The following MAST4 variants were observed in gnomAD, a reference collection of about 807,000 sequenced individuals.
The protein encoded by MAST4 is microtubule-associated serine/threonine-protein kinase 4.
MAST4 carries 89 observed loss-of-function variants against 162.7 expected under a neutral mutation model. The observed-to-expected ratio is 0.55, with a 90% CI of 0.46 to 0.65. MAST4 has a LOEUF of 0.65. Ranked by LOEUF, MAST4 falls within the 30% of genes least tolerant of loss-of-function variation. The pLI is 0.00. For missense variants in MAST4, 3,153 were observed against 3,374.0 expected (o/e 0.93, Z 1.62); for synonymous variants, 1,479 against 1,361.1 (o/e 1.09, Z -1.91).
chr5:66,905,302 CAAAAAAAAAAAAAAA>C (rs60337775), intron 4 of MAST4, among the ~76,000 whole-genome samples: 2 of 78,458 alleles, frequency 2.5e-5, no homozygotes, highest in African/African-American at 1.2e-4. Context: ...AACTCTGTCT[CAAAAAAAAAAAAAAA>C]AAAAAAAAAA....
At chr5:66,665,659 AG>A (rs2149466509) in intron 1 of MAST4, among the ~76,000 whole-genome samples, 1 of 152,320 alleles carries the variant, frequency 6.6e-6, no homozygotes, top group South Asian at 2.1e-4. Flanking sequence ...TTTGAACTAC[AG>A]AGTCGTTAAG....
intron 1 of MAST4, among the ~76,000 whole-genome samples, chr5:66,674,773 C>A (rs1013888949): frequency 6.6e-6 from 1 of 152,258 alleles, no homozygotes; most frequent in Non-Finnish European, 1.5e-5. Context: ...TTGCTATGGA[C>A]CCTGGGCAGA....
At chr5:66,834,326 TGA>T (rs1315386051) in intron 3 of MAST4, among the ~76,000 whole-genome samples, 1 of 152,066 alleles carries the variant, frequency 6.6e-6, no homozygotes, top group Non-Finnish European at 1.5e-5. Flanking sequence ...CGCGAAGACG[TGA>T]GACAGGACCT....
At chr5:66,720,134 T>C (rs1242212884) in intron 1 of MAST4, among the ~76,000 whole-genome samples, 1 of 151,450 alleles carries the variant, frequency 6.6e-6, no homozygotes, top group Admixed American at 6.6e-5. Flanking sequence ...ATACATATTG[T>C]TTAATATGAG....
intron 1 of MAST4, among the ~76,000 whole-genome samples, chr5:66,734,790 G>A (rs1013022983): frequency 1.3e-5 from 2 of 152,140 alleles, no homozygotes; most frequent in African/African-American, 4.8e-5. Context: ...TGTATTGGAC[G>A]GCACAGTGTT....
At chr5:67,022,177 G>A (rs773575829) in intron 4 of MAST4, among the ~76,000 whole-genome samples, 10 of 152,274 alleles carry the variant, frequency 6.6e-5, no homozygotes, top group South Asian at 2.1e-4. Context: ...TGAAAGCACC[G>A]CACAGTGAGC....
intron 3 of MAST4, among the ~76,000 whole-genome samples, chr5:66,850,949 GAAA>G (rs1561381606): frequency 8.3e-6 from 1 of 120,544 alleles, no homozygotes; most frequent in Non-Finnish European, 1.7e-5. Flanking sequence ...TTTTTTTGAA[GAAA>G]AAAATGCATA....
intron 2 of MAST4, among the ~76,000 whole-genome samples, chr5:66,762,108 A>C (rs1289826126): frequency 1.3e-5 from 2 of 152,224 alleles, no homozygotes; most frequent in African/African-American, 2.4e-5. Flanking sequence ...TTTAGCTTTG[A>C]AAATAAATAG....
chr5:66,769,157 G>A (rs1017410992), intron 2 of MAST4, among the ~76,000 whole-genome samples: 3 of 152,206 alleles, frequency 2.0e-5, no homozygotes, highest in African/African-American at 7.2e-5. Context: ...AAAGCACTAG[G>A]GAAATTCATG....
At chr5:66,615,685 T>G (rs1743625594) in intron 1 of MAST4, among the ~76,000 whole-genome samples, 1 of 151,670 alleles carries the variant, frequency 6.6e-6, no homozygotes, top group Non-Finnish European at 1.5e-5. Flanking sequence ...TGGTGGTGCA[T>G]GCCTGTAGTC....
intron 1 of MAST4, among the ~76,000 whole-genome samples, chr5:66,690,459 A>G (rs969168162): frequency 2.6e-5 from 4 of 152,074 alleles, no homozygotes; most frequent in African/African-American, 9.7e-5. Context: ...TTTTTCTTCT[A>G]GTTATTGCTT....
At chr5:66,840,936 A>G (rs534376659) in intron 3 of MAST4, among the ~76,000 whole-genome samples, 15 of 152,140 alleles carry the variant, frequency 9.9e-5, no homozygotes, top group Non-Finnish European at 1.9e-4. Context: ...GGGGACAAGC[A>G]TATGTTGTGG....
At chr5:66,854,202 C>T (rs926512529) in intron 3 of MAST4, among the ~76,000 whole-genome samples, 16 of 152,116 alleles carry the variant, frequency 1.1e-4, no homozygotes, top group African/African-American at 3.4e-4. Context: ...GCCTAGCACA[C>T]AGTAGATGCT....
chr5:67,163,790 G>A lies in MAST4; in HGVS notation c.4611G>A (p.Val1537=), dbSNP rs1773522426. 6.2e-7 allele frequency: 1 copy of A among 1,611,806 alleles called. No homozygotes were observed. The highest frequency in any genetic ancestry group is 8.5e-7 in the Non-Finnish European group (1 of 1,178,924). The change falls in exon 29 of 29, where the codon GTG becomes GTA. Residue 1537 remains valine, a synonymous_variant. Transcript: ENST00000403625. This position sits in a 1 kb window ranked among gnomAD's most constrained non-coding sequence, Gnocchi z 7.0. The stretch of plus-strand genomic sequence containing the variant: ...GCGACAAGCTGAAGGCCAAGGTGGT[G>A]GTGAAGAAAGCAGACGGCTTCCCAG... ...LDRDKLKAKV[V]VKKADGFPEK...
At chr5:66,774,010 G>A (rs1445677365) in intron 2 of MAST4, among the ~76,000 whole-genome samples, 1 of 152,206 alleles carries the variant, frequency 6.6e-6, no homozygotes, top group Non-Finnish European at 1.5e-5. Flanking sequence ...GGACATTTAT[G>A]TGTTTACATG....
intron 4 of MAST4, among the ~76,000 whole-genome samples, chr5:67,019,267 C>G (rs1404167881): frequency 6.6e-6 from 1 of 152,226 alleles, no homozygotes; most frequent in Non-Finnish European, 1.5e-5. Context: ...TGGGCATGTC[C>G]ACAGCCGGCT....
At chr5:67,114,343 T>C (rs1766627793) in intron 12 of MAST4, 124 bp downstream of exon 12, 1 of 1,177,216 alleles carries the variant, frequency 8.5e-7, no homozygotes, top group Non-Finnish European at 1.2e-6. Context: ...AAGTCCATAT[T>C]TGGGGACTGG....
intron 4 of MAST4, among the ~76,000 whole-genome samples, chr5:67,033,315 C>CTGTGTGTGTGTGTGTGTGTGTGTGTGTG (rs146627241): frequency 7.9e-6 from 1 of 125,992 alleles, no homozygotes. Context: ...TTTCATTTCT[C>CTGTGTGTGTGTGTGTGTGTGTGTGTGTG]TGTGTGTGTG....
intron 4 of MAST4, among the ~76,000 whole-genome samples, chr5:66,998,643 A>C (rs1221239510): frequency 6.6e-6 from 1 of 152,180 alleles, no homozygotes; most frequent in East Asian, 1.9e-4. Context: ...ATCCATCCTC[A>C]ATCTCTTCTT....
Sources: allele counts gnomAD v4.1 joint callset (sites outside exome capture counted in the v4.1 genomes callset), GRCh38; gene constraint gnomAD v4.1.1; non-coding constraint Gnocchi (gnomAD v3.1); transcripts MANE v1.5; gene names NCBI Gene and HGNC (gene_info 2026-07-23, HGNC 2026-07-21).